The following NEK1 variants were observed in gnomAD, a reference collection of about 807,000 sequenced individuals.
The protein encoded by NEK1 is serine/threonine-protein kinase Nek1.
Under a neutral mutation model 182.1 loss-of-function variants are expected in NEK1, and 137 were observed. The ratio of observed to expected loss-of-function variants is 0.75; its 90% CI spans 0.65 to 0.87. The LOEUF (loss-of-function observed/expected upper bound fraction) is 0.87. NEK1 is among the 40% of genes least tolerant of loss of function. The probability of loss-of-function intolerance (pLI) is 0.00; values close to 1 mark genes in which losing one functional copy is unlikely to be tolerated. For missense variants in NEK1, 1,391 were observed against 1,494.4 expected (o/e 0.93, Z 1.14); for synonymous variants, 513 against 492.2 (o/e 1.04, Z -0.56).
At chr4:169,523,459 G>A (rs1756416036) in intron 19 of NEK1, among the ~76,000 whole-genome samples, 1 of 152,196 alleles carries the variant, frequency 6.6e-6, no homozygotes, top group Non-Finnish European at 1.5e-5. Context: ...GCAGAGATCA[G>A]GATGCTGATA....
intron 23 of NEK1, among the ~76,000 whole-genome samples, chr4:169,488,266 T>C (rs1263411945): frequency 2.0e-5 from 3 of 152,204 alleles, no homozygotes; most frequent in South Asian, 2.1e-4. Flanking sequence ...TCCTGAACGA[T>C]ACTGCCTAGA....
intron 31 of NEK1, among the ~76,000 whole-genome samples, chr4:169,408,866 C>T (rs1403992506): frequency 6.6e-6 from 1 of 152,158 alleles, no homozygotes; most frequent in Non-Finnish European, 1.5e-5. Flanking sequence ...TTTATTCACT[C>T]GTTGGTTGAT....
chr4:169,491,542 A>G (rs567351257), intron 23 of NEK1, among the ~76,000 whole-genome samples: 1 of 152,300 alleles, frequency 6.6e-6, no homozygotes, highest in South Asian at 2.1e-4. Flanking sequence ...AATAGAAGTA[A>G]AGTCTTTCCC....
intron 19 of NEK1, among the ~76,000 whole-genome samples, chr4:169,523,343 TG>T (rs1373795412): frequency 1.3e-5 from 2 of 152,200 alleles, no homozygotes; most frequent in Non-Finnish European, 2.9e-5. Context: ...CAAGTTAAAA[TG>T]AGGTCATCAG....
At position 169,576,938 on chromosome 4, in the gene NEK1, T is replaced by A; in HGVS notation, c.1010A>T (p.Lys337Ile). ...GTAACATGATCATACCTGTTTATGT[T>A]TTTGCAGTGGTTTCTTTTCGTGTAA... The part of the protein sequence containing the change: ...KKLHEKKPLQ[K>I]HKQAHQTPEK... The change falls in exon 12 of 36, where the codon AAA becomes ATA. Residue 337 changes from lysine (K) to isoleucine (I), a missense_variant. Lys to Ile is a moderately radical substitution (Grantham distance 102). Transcript: ENST00000507142. The A allele has an allele frequency of 6.2e-7, 1 of 1,603,604 alleles. No individual in the cohort carries two copies. The highest frequency in any genetic ancestry group is 8.5e-7 in the Non-Finnish European group (1 of 1,174,796).
chr4:169,400,012 T>TA, intron 35 of NEK1: 1 of 568,434 alleles, frequency 1.8e-6, no homozygotes, highest in Non-Finnish European at 3.1e-6. Flanking sequence ...TAAATTAAAT[T>TA]AAAAATATGG....
chr4:169,598,435 G>C (rs1257667625), intron 5 of NEK1, among the ~76,000 whole-genome samples: 1 of 151,848 alleles, frequency 6.6e-6, no homozygotes, highest in East Asian at 1.9e-4. Context: ...AAGAAGCTGG[G>C]ACTTGAACTG....
At chr4:169,437,221 TA>T (rs1358867380) in intron 28 of NEK1, among the ~76,000 whole-genome samples, 2 of 2,016 alleles carry the variant, frequency 9.9e-4, no homozygotes, top group Non-Finnish European at 1.7e-3. Flanking sequence ...AACAAATAAC[TA>T]ATTTTTTTTT....
rs772671573 is a variant in NEK1 at position 169,561,856 on chromosome 4, T to G, written c.1116A>C (p.Glu372Asp). Reference protein sequence around the residue: ...AARKRRLEFIEKEKKQKDQII... With the variant: ...AARKRRLEFIDKEKKQKDQII... ...CCTGATCCTTTTGTTTCTTTTCTTT[T>G]TCAATAAATTCCAGCCTTCTCTTTC... Residue 372 changes from glutamate to aspartate, a missense_variant, in exon 14 of 36, where the codon GAA becomes GAC. By Grantham distance (45) the Glu-to-Asp change is conservative. This residue lies in a region of NEK1 where 1,216 missense variants were observed against 1,277.6 expected (regional missense o/e 0.95). Transcript: ENST00000507142. The G allele has an allele frequency of 1.2e-6, 2 of 1,610,288 alleles. No individual in the cohort carries two copies. Among genetic ancestry groups the G allele is most frequent in the African/African-American group, 2.7e-5 (2 of 74,870 alleles).
rs561441237 is a variant in NEK1 at position 169,438,169 on chromosome 4, A to G, written c.2678T>C (p.Ile893Thr). 30 of 1,606,972 alleles carry G rather than the reference A, an allele frequency of 1.9e-5. No individual in the cohort carries two copies. In the East Asian group the frequency reaches 5.1e-4, roughly 28 times the overall value. ...TTTTGTCTCAACAGGAGAATCAACA[A>G]TAGCTGATGGGTTTATTTCATGTGA... Reference protein sequence around the residue: ...CISHEINPSAIVDSPVETKSP... With the variant: ...CISHEINPSATVDSPVETKSP... Residue 893 changes from isoleucine to threonine, a missense_variant, in exon 28 of 36, where the codon ATT becomes ACT. By Grantham distance (89) the Ile-to-Thr change is moderately conservative (BLOSUM62 -1). Around this residue, in one of 5 missense-constraint regions of NEK1, gnomAD observed 1,216 missense variants for 1,277.6 expected, o/e 0.95. Coordinates refer to ENST00000507142, the MANE Select transcript of NEK1 (RefSeq NM_001199397.3).
chr4:169,420,972 C>T (rs949921632), intron 31 of NEK1, among the ~76,000 whole-genome samples: 9 of 151,968 alleles, frequency 5.9e-5, no homozygotes, highest in African/African-American at 2.2e-4. Flanking sequence ...TGTAAGAAAT[C>T]CACTTTAAAT....
chr4:169,491,971 G>A (rs560357672), intron 23 of NEK1, among the ~76,000 whole-genome samples: 2 of 152,240 alleles, frequency 1.3e-5, no homozygotes, highest in South Asian at 4.2e-4. Context: ...TAAGCCTCAT[G>A]ATTAACTACA....
At chr4:169,574,601 C>A (rs1765399019) in intron 12 of NEK1, among the ~76,000 whole-genome samples, 1 of 145,772 alleles carries the variant, frequency 6.9e-6, no homozygotes, top group Non-Finnish European at 1.5e-5. Context: ...AGGGAGACTC[C>A]ACCTCAAAAG....
intron 8 of NEK1, among the ~76,000 whole-genome samples, chr4:169,588,142 A>G (rs1354385247): frequency 6.6e-6 from 1 of 152,100 alleles, no homozygotes; most frequent in Non-Finnish European, 1.5e-5. Context: ...GTGATTAGAA[A>G]TATGGGCTTG....
Position 169,569,876 on chromosome 4 carries a change from C to T in NEK1, c.1020+7052G>A, listed in dbSNP as rs1335920103. Reference sequence around the variant, plus strand: ...CCTCCCAGCCGCCTGCCTTGGCCTTCCAAAGTGCCGAGATTGTAGCCTCTG... The same window carrying T: ...CCTCCCAGCCGCCTGCCTTGGCCTTTCAAAGTGCCGAGATTGTAGCCTCTG... On this transcript the variant is annotated intron_variant, in intron 12 of 35. Coordinates refer to ENST00000507142, the MANE Select transcript of NEK1 (RefSeq NM_001199397.3). Among the ~76,000 whole-genome samples, 12 of 152,312 alleles carry T rather than the reference C, an allele frequency of 7.9e-5. No homozygotes were observed. In the South Asian group the frequency reaches 1.7e-3, roughly 21 times the overall value.
chr4:169,604,844 G>A (rs995697243), intron 2 of NEK1, among the ~76,000 whole-genome samples: 8 of 152,090 alleles, frequency 5.3e-5, no homozygotes, highest in Non-Finnish European at 1.0e-4. Context: ...AACTTTAAGA[G>A]AAACAAGAAA....
chr4:169,429,220 TACAG>T (rs1300002081), intron 29 of NEK1, among the ~76,000 whole-genome samples: 1 of 152,226 alleles, frequency 6.6e-6, no homozygotes, highest in African/African-American at 2.4e-5. Context: ...GATGGCTGTA[TACAG>T]AAACACAGCA....
chr4:169,402,678 C>A (rs568016685), intron 32 of NEK1, among the ~76,000 whole-genome samples: 4 of 152,168 alleles, frequency 2.6e-5, no homozygotes, highest in African/African-American at 9.6e-5. Flanking sequence ...CAAATTTTAT[C>A]CACAAAAAAT....
rs182601555 is a variant in NEK1, at chr4:169,421,504, T to C, written c.3222+3049A>G. Among the ~76,000 whole-genome samples the C allele has an allele frequency of 2.8e-4, 43 of 152,298 alleles. 1 individual carries two copies. The East Asian group carries it at 7.3e-3, about 26-fold the overall frequency. On this transcript the variant is annotated intron_variant, in intron 31 of 35. Transcript: ENST00000507142. ...GACCTGGTGGGAGGTGACTGGATCA[T>C]GAGGGCAGATTTCCCCCATGCTATT...
Sources: gnomAD v4.1 joint callset for allele counts (sites outside exome capture counted in the v4.1 genomes callset) on GRCh38, gnomAD v4.1.1 for gene constraint, gnomAD v4.1.1 regional missense constraint, MANE v1.5 for transcripts, NCBI Gene and HGNC (gene_info 2026-07-23, HGNC 2026-07-21) for gene names.